The following SAFB2 variants were observed in gnomAD, a reference collection of about 807,000 sequenced individuals.
The protein encoded by SAFB2 is scaffold attachment factor B2.
Under a neutral mutation model 100.6 loss-of-function variants are expected in SAFB2, and 32 were observed. That is an observed-to-expected ratio of 0.32 (90% CI 0.24 to 0.43). The LOEUF (loss-of-function observed/expected upper bound fraction) is 0.43, where lower values mean the gene tolerates loss of function less well. Ranked by LOEUF, SAFB2 falls within the 20% of genes least tolerant of loss-of-function variation. The pLI is 1.00. For missense variants in SAFB2, 1,185 were observed against 1,163.4 expected, an observed-to-expected ratio of 1.02 and a Z score of -0.27; for synonymous variants, 500 against 439.4, an observed-to-expected ratio of 1.14 and a Z score of -1.72.
chr19:5,597,047 C>T (rs1438696820), intron 13 of SAFB2, among the ~76,000 whole-genome samples: 1 of 152,120 alleles, frequency 6.6e-6, no homozygotes, highest in Admixed American at 6.6e-5. Flanking sequence ...GCAAGCTTTG[C>T]CTACGAGACG....
chr19:5,595,220 G>C, intron 14 of SAFB2, 141 bp downstream of exon 14: 1 of 1,137,038 alleles, frequency 8.8e-7, no homozygotes, highest in African/African-American at 1.6e-5. Flanking sequence ...CCTGCCTCGA[G>C]GACCCAGGTT....
At position 5,607,898 on chromosome 19, in the gene SAFB2, G is replaced by C. The variant is rs769956309; in HGVS notation, c.1296+2097C>G. Among the ~76,000 whole-genome samples, 10 of 152,372 alleles carry C rather than the reference G, an allele frequency of 6.6e-5. No homozygotes were observed. In the Middle Eastern group the frequency reaches 0.01, roughly 155 times the overall value. The stretch of plus-strand genomic sequence containing the variant: ...TCAAGGCTCTGCCTGAATCTGTCCA[G>C]GGCCAAAGGGACAGAAGACTCTCCT... On this transcript the variant is annotated intron_variant, in intron 9 of 20. Transcript: ENST00000252542.
chr19:5,587,148 C>G lies in SAFB2; in HGVS notation c.*95G>C. ...AGCTACAACATGGTGGCAGGATTTACTTTGCTTTTAAAAAGATCCCCCAAG... is the reference window on the plus strand; with the variant it reads ...AGCTACAACATGGTGGCAGGATTTAGTTTGCTTTTAAAAAGATCCCCCAAG... On this transcript the variant is annotated 3_prime_UTR_variant, in exon 21 of 21. Transcript: ENST00000252542. This position sits in a 1 kb window ranked among gnomAD's most constrained non-coding sequence, Gnocchi z 4.9. 2 of 1,520,048 alleles carry G rather than the reference C, an allele frequency of 1.3e-6. No individual in the cohort carries two copies. Among genetic ancestry groups the G allele is most frequent in the Non-Finnish European group, 1.8e-6 (2 of 1,117,528 alleles). 94.2% of individuals were successfully genotyped at this position (1,520,048 alleles called of 1,614,324 possible). A position where few individuals can be genotyped will look rare whatever the true frequency, so the allele number is the denominator to read the frequency against.
intron 8 of SAFB2, 41 bp from the exon 9 acceptor site, chr19:5,610,136 TAACAGGAAGCAC>T: frequency 5.9e-6 from 9 of 1,534,314 alleles, no homozygotes; most frequent in Non-Finnish European, 8.1e-6. Context: ...CCCCAAGGCC[TAACAGGAAGCAC>T]AACCATTCTT....
At chr19:5,598,505 C>T (rs898092737) in intron 13 of SAFB2, 1 of 435,654 alleles carries the variant, frequency 2.3e-6, no homozygotes, top group Non-Finnish European at 4.2e-6. Context: ...AAGCCTGGGT[C>T]TGGCCCATCC....
At chr19:5,606,780 G>T (rs1324022728) in intron 9 of SAFB2, among the ~76,000 whole-genome samples, 4 of 152,152 alleles carry the variant, frequency 2.6e-5, no homozygotes, top group African/African-American at 9.7e-5. Context: ...ACAAAGTAAA[G>T]ACTTTTTCTG....
At position 5,622,759 on chromosome 19, in the gene SAFB2, G is replaced by C; in HGVS notation, c.-44C>G. 1 of 1,559,216 alleles carries C rather than the reference G, an allele frequency of 6.4e-7. No homozygotes were observed. The highest frequency in any genetic ancestry group is 8.6e-7 in the Non-Finnish European group (1 of 1,157,272). ...GCCACCGACTCAGTCGCACACCGCC[G>C]GCAGCTATAGCGGCTCTGAACACAA... On this transcript the variant is annotated 5_prime_UTR_variant, in exon 1 of 21. Coordinates refer to ENST00000252542, the MANE Select transcript of SAFB2 (RefSeq NM_014649.3).
chr19:5,590,158 G>A, intron 18 of SAFB2, 120 bp downstream of exon 18: 1 of 909,766 alleles, frequency 1.1e-6, no homozygotes, highest in East Asian at 3.2e-5. Flanking sequence ...CAGGACCCCT[G>A]GTAGCCCATC....
chr19:5,613,080 A>C (rs1167447270), intron 5 of SAFB2, among the ~76,000 whole-genome samples: 1 of 152,110 alleles, frequency 6.6e-6, no homozygotes, highest in Non-Finnish European at 1.5e-5. Context: ...GCTCTGCAAC[A>C]CCTCTGGCTT....
At chr19:5,620,156 T>C (rs2053111348) in intron 2 of SAFB2, among the ~76,000 whole-genome samples, 1 of 152,208 alleles carries the variant, frequency 6.6e-6, no homozygotes, top group Admixed American at 6.5e-5. Context: ...GTGTCAAAAT[T>C]AAACTTTAAC....
At position 5,610,047 on chromosome 19, in the gene SAFB2, G is replaced by T; in HGVS notation, c.1244C>A (p.Ser415Tyr). 6.2e-7 allele frequency: 1 copy of T among 1,614,180 alleles called. No homozygotes were observed. The highest frequency in any genetic ancestry group is 8.5e-7 in the Non-Finnish European group (1 of 1,180,034). The change falls in exon 9 of 21, where the codon TCC becomes TAC. Residue 415 changes from serine (S) to tyrosine (Y), a missense_variant. Coordinates refer to ENST00000252542, the MANE Select transcript of SAFB2 (RefSeq NM_014649.3). ...SGRNLWVSGL[S>Y]STTRATDLKN... ...GAGATCCGTAGCGCGTGTTGTGGAG[G>T]ACAGCCCGCTGACCCACAGGTTCCG...
chr19:5,592,154 G>C (rs2052422024), intron 16 of SAFB2, among the ~76,000 whole-genome samples: 1 of 152,260 alleles, frequency 6.6e-6, no homozygotes, highest in South Asian at 2.1e-4. Context: ...GCAGAATTAA[G>C]AGTGTGGCCT....
chr19:5,600,410 T>C (rs2052630636), intron 11 of SAFB2, 150 bp from the exon 12 acceptor site: 3 of 962,966 alleles, frequency 3.1e-6, no homozygotes, highest in South Asian at 1.7e-5. Flanking sequence ...TTGGAACCCA[T>C]AGTAATAACA....
At chr19:5,593,810 G>A (rs1444358802) in intron 15 of SAFB2, 81 bp downstream of exon 15, 2 of 1,338,232 alleles carry the variant, frequency 1.5e-6, no homozygotes, top group Non-Finnish European at 9.7e-7. Context: ...AGGGACGGAA[G>A]GGAAGCCGCT....
At chr19:5,594,316 G>T in intron 14 of SAFB2, 138 bp from the exon 15 acceptor site, 1 of 1,033,804 alleles carries the variant, frequency 9.7e-7, no homozygotes, top group Non-Finnish European at 1.3e-6. Context: ...CTAAAGCTGC[G>T]CGTGCAGGGG....
Position 5,622,412 on chromosome 19 carries a change from G to A in SAFB2, c.186+118C>T, listed in dbSNP as rs922949585. 3 of 1,062,770 alleles carry A rather than the reference G, an allele frequency of 2.8e-6. No homozygotes were observed. In the East Asian group the frequency reaches 9.0e-5, roughly 32 times the overall value. The allele number at this position is 1,062,770 out of a possible 1,614,324, so 65.8% of individuals were successfully genotyped here. A position where few individuals can be genotyped will look rare whatever the true frequency, so the allele number is the denominator to read the frequency against. On this transcript the variant is annotated intron_variant, in intron 1 of 20. Transcript: ENST00000252542. ...CTGGGTGCCCGACACCTCGAACCGG[G>A]GTCGGCCAAGACGCGGGGCGAACCC...
chr19:5,603,456 A>T (rs531083750), intron 11 of SAFB2, among the ~76,000 whole-genome samples: 1 of 152,218 alleles, frequency 6.6e-6, no homozygotes, highest in Non-Finnish European at 1.5e-5. Context: ...GATCAGATAC[A>T]ACACGGAAAT....
At chr19:5,622,349 G>A (rs1204549837) in intron 1 of SAFB2, among the ~76,000 whole-genome samples, 181 bp downstream of exon 1, 2 of 152,182 alleles carry the variant, frequency 1.3e-5, no homozygotes, top group African/African-American at 2.4e-5. Flanking sequence ...GAGGCACAGA[G>A]AGGAGCGGTG....
At chr19:5,593,526 C>G (rs538524455) in intron 15 of SAFB2, 1 of 222,400 alleles carries the variant, frequency 4.5e-6, no homozygotes, top group Admixed American at 5.7e-5. Flanking sequence ...ATGAGACCGG[C>G]AGAGTCAGCG....
Sources: allele counts gnomAD v4.1 joint callset (sites outside exome capture counted in the v4.1 genomes callset), GRCh38; gene constraint gnomAD v4.1.1; non-coding constraint Gnocchi (gnomAD v3.1); transcripts MANE v1.5; gene names NCBI Gene and HGNC (gene_info 2026-07-23, HGNC 2026-07-21).